DGKB: variants seen among roughly 807,000 people sequenced by gnomAD.
DGKB encodes the protein 90 kDa diacylglycerol kinase.
DGKB carries 67 observed loss-of-function variants against 114.3 expected under a neutral mutation model. That is an observed-to-expected ratio of 0.59 (90% CI 0.48 to 0.72). DGKB has a LOEUF of 0.72. Ranked by LOEUF, DGKB falls within the 30% of genes least tolerant of loss-of-function variation. DGKB has a pLI of 0.00. For synonymous variants in DGKB, 398 were observed against 323.1 expected, an observed-to-expected ratio of 1.23 and a Z score of -2.49; for missense variants, 907 against 975.2, an observed-to-expected ratio of 0.93 and a Z score of 0.93.
At chr7:14,486,567 C>T (rs1174346200) in intron 20 of DGKB, among the ~76,000 whole-genome samples, 2 of 152,174 alleles carry the variant, frequency 1.3e-5, no homozygotes, top group Admixed American at 6.5e-5. Flanking sequence ...TATATCCTCT[C>T]ATCTACTGTG....
At chr7:14,404,257 C>T (rs1317636328) in intron 21 of DGKB, among the ~76,000 whole-genome samples, 1 of 151,400 alleles carries the variant, frequency 6.6e-6, no homozygotes, top group Non-Finnish European at 1.5e-5. Flanking sequence ...CGGATATCCC[C>T]ATTTAACCTC....
At chr7:14,573,194 G>A (rs568762071) in intron 20 of DGKB, among the ~76,000 whole-genome samples, 1 of 152,052 alleles carries the variant, frequency 6.6e-6, no homozygotes, top group African/African-American at 2.4e-5. Context: ...AAGACACATT[G>A]CATTTTTCTT....
chr7:14,411,837 T>C (rs1824932390), intron 21 of DGKB, among the ~76,000 whole-genome samples: 1 of 152,166 alleles, frequency 6.6e-6, no homozygotes, highest in African/African-American at 2.4e-5. Flanking sequence ...CAAAGTATCA[T>C]CTCTAACAGT....
At chr7:14,488,674 T>G (rs972971607) in intron 20 of DGKB, among the ~76,000 whole-genome samples, 5 of 141,020 alleles carry the variant, frequency 3.5e-5, no homozygotes, top group African/African-American at 1.3e-4. Flanking sequence ...AGTATATATA[T>G]AAAATTAGCT....
rs138024102 is a variant in DGKB at position 14,523,663 on chromosome 7, G to A, written c.1771-45438C>T. The stretch of plus-strand genomic sequence containing the variant: ...TTGGAAATTGTTATATAATACAAAC[G>A]TATATAATACAATGTATTCTATTAT... On this transcript the variant is annotated intron_variant, in intron 20 of 25. Coordinates refer to ENST00000402815, the MANE Select transcript of DGKB (RefSeq NM_001350709.2). Among the ~76,000 whole-genome samples the A allele has an allele frequency of 7.0e-4, 106 of 152,052 alleles. 1 individual carries two copies. In the East Asian group the frequency reaches 0.018, roughly 26 times the overall value.
intron 21 of DGKB, among the ~76,000 whole-genome samples, chr7:14,393,259 G>T (rs907588308): frequency 6.6e-6 from 1 of 151,892 alleles, no homozygotes; most frequent in Non-Finnish European, 1.5e-5. Flanking sequence ...AAAGTGCTGG[G>T]ATTACAGGCG....
intron 23 of DGKB, among the ~76,000 whole-genome samples, chr7:14,219,624 A>C (rs1177165458): frequency 6.6e-6 from 1 of 151,726 alleles, no homozygotes; most frequent in East Asian, 1.9e-4. Context: ...CCATGCTGTA[A>C]TTGGGCTATT....
chr7:14,863,722 G>A (rs530532347), intron 1 of DGKB, among the ~76,000 whole-genome samples: 12 of 152,116 alleles, frequency 7.9e-5, no homozygotes, highest in South Asian at 2.1e-4. Context: ...GCTAATTAAC[G>A]CATCCATCAC....
intron 1 of DGKB, among the ~76,000 whole-genome samples, chr7:14,884,409 T>C (rs1854699006): frequency 6.6e-6 from 1 of 151,982 alleles, no homozygotes; most frequent in East Asian, 1.9e-4. Flanking sequence ...AGGCAGCCTT[T>C]AGTTATAAAT....
At chr7:14,214,893 CAG>C (rs576323032) in intron 23 of DGKB, among the ~76,000 whole-genome samples, 3 of 152,258 alleles carry the variant, frequency 2.0e-5, no homozygotes, top group African/African-American at 7.2e-5. Context: ...GTTTTAGAGT[CAG>C]AGTCACACAG....
chr7:14,496,086 T>C (rs1785266718), intron 20 of DGKB, among the ~76,000 whole-genome samples: 1 of 151,862 alleles, frequency 6.6e-6, no homozygotes, highest in Admixed American at 6.6e-5. Context: ...ATTGTAGACA[T>C]TCAAATTAAT....
At chr7:14,497,595 G>T (rs761515678) in intron 20 of DGKB, among the ~76,000 whole-genome samples, 1 of 151,766 alleles carries the variant, frequency 6.6e-6, no homozygotes, top group Non-Finnish European at 1.5e-5. Flanking sequence ...ACCATAAATA[G>T]CCTCTGCTGC....
At chr7:14,231,097 TTCTTTC>T (rs1165083439) in intron 23 of DGKB, among the ~76,000 whole-genome samples, 1 of 108,424 alleles carries the variant, frequency 9.2e-6, no homozygotes, top group African/African-American at 3.6e-5. Flanking sequence ...CTTTCTTTCT[TTCTTTC>T]TTTCTTTCTT....
chr7:14,725,870 T>C (rs1014305164), intron 5 of DGKB, among the ~76,000 whole-genome samples: 1 of 152,110 alleles, frequency 6.6e-6, no homozygotes, highest in Non-Finnish European at 1.5e-5. Flanking sequence ...TTGAACTTTA[T>C]GCTATGTATG....
chr7:14,211,533 T>A (rs1584477244), intron 23 of DGKB, among the ~76,000 whole-genome samples: 1 of 12,028 alleles, frequency 8.3e-5, no homozygotes, highest in African/African-American at 8.5e-4. Context: ...GTTTTGTGAT[T>A]TTACTCTCAT....
chr7:14,753,870 G>C (rs934241163), intron 4 of DGKB, 58 bp downstream of exon 4: 7 of 1,033,536 alleles, frequency 6.8e-6, no homozygotes, highest in Non-Finnish European at 1.0e-5. Context: ...GAAATTCATA[G>C]ATCATATCAG....
At chr7:14,963,682 T>C (rs1434892039) in intron 1 of DGKB, among the ~76,000 whole-genome samples, 3 of 152,148 alleles carry the variant, frequency 2.0e-5, no homozygotes, top group African/African-American at 7.2e-5. Context: ...TAGGGAGTGA[T>C]GGAGAAAGAT....
chr7:14,904,764 T>C (rs756647821), upstream of DGKB, among the ~76,000 whole-genome samples: 1 of 152,186 alleles, frequency 6.6e-6, no homozygotes, highest in Non-Finnish European at 1.5e-5. Context: ...TCTTCATTTG[T>C]TGTCTGTCCA....
chr7:14,259,553 T>C (rs1796460406), intron 23 of DGKB, among the ~76,000 whole-genome samples: 1 of 151,964 alleles, frequency 6.6e-6, no homozygotes, highest in Non-Finnish European at 1.5e-5. Context: ...CAGCCTCCCA[T>C]GTAGCTGGGA....
Sources: gnomAD v4.1 joint callset for allele counts (sites outside exome capture counted in the v4.1 genomes callset) on GRCh38, gnomAD v4.1.1 for gene constraint, MANE v1.5 for transcripts, NCBI Gene and HGNC (gene_info 2026-07-23, HGNC 2026-07-21) for gene names.